SAMSN1: variants seen among roughly 807,000 people sequenced by gnomAD.
SAMSN1 encodes the protein SAM domain, SH3 domain and nuclear localization signals 1.
In SAMSN1, 31 loss-of-function variants were observed where a neutral mutation model predicts 42.0. The ratio of observed to expected loss-of-function variants is 0.74; its 90% CI spans 0.55 to 1.00. The LOEUF (loss-of-function observed/expected upper bound fraction) is 1.00. Ranked by LOEUF, SAMSN1 falls within the 50% of genes least tolerant of loss-of-function variation. SAMSN1 has a pLI of 0.00. For synonymous variants in SAMSN1, 178 were observed against 151.9 expected (o/e 1.17, Z -1.26); for missense variants, 464 against 439.4 (o/e 1.06, Z -0.50).
chr21:14,596,252 C>T (rs191320368), intron 6 of SAMSN1, among the ~76,000 whole-genome samples: 5 of 152,166 alleles, frequency 3.3e-5, no homozygotes, highest in African/African-American at 1.2e-4. Context: ...CAACAAAAGC[C>T]ACTCTTGAAA....
At chr21:14,600,113 A>C (rs745413224) in intron 6 of SAMSN1, among the ~76,000 whole-genome samples, 33 of 152,214 alleles carry the variant, frequency 2.2e-4, no homozygotes, top group South Asian at 2.1e-3. Flanking sequence ...TTGGAAAAAC[A>C]CTTATCTGAT....
chr21:14,558,527 A>C (rs1980837015), intron 2 of SAMSN1, among the ~76,000 whole-genome samples: 1 of 151,860 alleles, frequency 6.6e-6, no homozygotes, highest in Non-Finnish European at 1.5e-5. Flanking sequence ...AAAAATACAA[A>C]AAAATTAGCC....
rs1219222290 is a variant in SAMSN1 at position 14,634,994 on chromosome 21, T to C, written c.156+8008A>G. Among the ~76,000 whole-genome samples, 4 of 152,194 alleles carry C rather than the reference T, an allele frequency of 2.6e-5. No homozygotes were observed. In the East Asian group the frequency reaches 7.7e-4, roughly 29 times the overall value. On this transcript the variant is annotated intron_variant, in intron 2 of 15. Coordinates refer to the SAMSN1 transcript ENST00000647101. ...GGTACATATACACCATGAAATACTA[T>C]GTGGCCATAAAGAGGAATGAGATCA...
Position 14,643,117 on chromosome 21 carries a change from C to G in SAMSN1, c.41G>C (p.Ser14Thr), listed in dbSNP as rs938012024. Residue 14 changes from serine to threonine, a missense_variant, in exon 2 of 16, where the codon AGC (serine) becomes ACC (threonine). Ser to Thr is a moderately conservative substitution (Grantham distance 58). Transcript: ENST00000647101. Reference sequence around the variant, plus strand: ...TTGCTCTGGGATTGGCTCATATAAGCTATCCATAGAGCCCTCCTGCAATAC... The same window carrying G: ...TTGCTCTGGGATTGGCTCATATAAGGTATCCATAGAGCCCTCCTGCAATAC... 6 of 717,144 alleles carry G rather than the reference C, an allele frequency of 8.4e-6. No individual in the cohort carries two copies. The African/African-American group carries it at 8.7e-5, about 10-fold the overall frequency. The allele number at this position is 717,144 out of a possible 1,614,324, so 44.4% of individuals were successfully genotyped here. A position where few individuals can be genotyped will look rare whatever the true frequency, so the allele number is the denominator to read the frequency against.
chr21:14,586,270 AAAAAAAAAG>A (rs1315500983), upstream of SAMSN1, among the ~76,000 whole-genome samples: 5 of 149,800 alleles, frequency 3.3e-5, no homozygotes, highest in African/African-American at 4.9e-5. Context: ...CTCAAAAAAA[AAAAAAAAAG>A]AAAAAGAAAA....
intron 2 of SAMSN1, among the ~76,000 whole-genome samples, chr21:14,630,386 T>C (rs75468416): frequency 1.6e-4 from 21 of 132,104 alleles, no homozygotes; most frequent in African/African-American, 6.2e-4. Context: ...GCTTTACAGC[T>C]TTTTTTTTTT....
intron 2 of SAMSN1, among the ~76,000 whole-genome samples, chr21:14,572,717 AC>A (rs1015956202): frequency 1.6e-4 from 24 of 152,080 alleles, no homozygotes; most frequent in African/African-American, 5.3e-4. Context: ...AAGCTGTTAA[AC>A]CCTTACTTTT....
chr21:14,510,856 T>C (rs1987660663), intron 4 of SAMSN1, among the ~76,000 whole-genome samples: 1 of 152,238 alleles, frequency 6.6e-6, no homozygotes. Flanking sequence ...ATTTCTGTCA[T>C]AACAGGTGGC....
intron 2 of SAMSN1, among the ~76,000 whole-genome samples, chr21:14,616,596 T>C (rs969658790): frequency 2.6e-5 from 4 of 152,226 alleles, no homozygotes; most frequent in Non-Finnish European, 4.4e-5. Context: ...GTCACATTTT[T>C]CACCATCCTT....
At chr21:14,625,391 C>T (rs1234362611) in intron 2 of SAMSN1, among the ~76,000 whole-genome samples, 2 of 152,186 alleles carry the variant, frequency 1.3e-5, no homozygotes, top group African/African-American at 2.4e-5. Context: ...ATAGTCTCAG[C>T]CCTAAATCTC....
chr21:14,609,441 T>G (rs2123319365), intron 5 of SAMSN1: 1 of 717,292 alleles, frequency 1.4e-6, no homozygotes, highest in Non-Finnish European at 2.6e-6. Flanking sequence ...TAAACTACTT[T>G]GGGAAAATGC....
chr21:14,646,329 G>T (rs369056016), intron 1 of SAMSN1, among the ~76,000 whole-genome samples: 1 of 152,188 alleles, frequency 6.6e-6, no homozygotes, highest in South Asian at 2.1e-4. Context: ...AGACTTTTCA[G>T]TGGAAACCTT....
intron 7 of SAMSN1, among the ~76,000 whole-genome samples, chr21:14,493,412 C>T (rs897180836): frequency 2.0e-5 from 3 of 152,084 alleles, no homozygotes; most frequent in Admixed American, 6.5e-5. Flanking sequence ...TTCTCATAGA[C>T]ACAATTTTAA....
chr21:14,601,353 C>T (rs186960378), intron 6 of SAMSN1, among the ~76,000 whole-genome samples: 121 of 152,190 alleles, frequency 8.0e-4, no homozygotes, highest in Non-Finnish European at 1.2e-3. Context: ...GAATGTGAGC[C>T]CCCCCTTCCT....
chr21:14,541,694 T>C (rs991335856), intron 1 of SAMSN1, among the ~76,000 whole-genome samples: 7 of 152,216 alleles, frequency 4.6e-5, no homozygotes, highest in African/African-American at 1.7e-4. Context: ...ATTGAGAGTC[T>C]ACTACGTTGA....
intron 4 of SAMSN1, 110 bp from the exon 5 acceptor site, chr21:14,510,571 TGAGG>T (rs1457746484): frequency 2.4e-6 from 3 of 1,263,846 alleles, no homozygotes; most frequent in Non-Finnish European, 2.2e-6. Flanking sequence ...GCCAGGCTCC[TGAGG>T]AAGTTCTAAT....
chr21:14,500,294 A>T (rs1290333645), intron 6 of SAMSN1, among the ~76,000 whole-genome samples: 1 of 152,084 alleles, frequency 6.6e-6, no homozygotes, highest in Non-Finnish European at 1.5e-5. Context: ...TCTCAACATC[A>T]ATCTCTATTG....
intron 3 of SAMSN1, among the ~76,000 whole-genome samples, chr21:14,516,475 C>T (rs935894853): frequency 1.3e-5 from 2 of 152,084 alleles, no homozygotes; most frequent in Non-Finnish European, 2.9e-5. Context: ...CACTGGAACC[C>T]CCGCCTCCCG....
intron 7 of SAMSN1, among the ~76,000 whole-genome samples, chr21:14,589,334 C>T (rs1003827217): frequency 6.6e-6 from 1 of 151,768 alleles, no homozygotes; most frequent in Non-Finnish European, 1.5e-5. Context: ...ATCAAGTATT[C>T]TGACTTTTAA....
Sources: gnomAD v4.1 joint callset for allele counts (sites outside exome capture counted in the v4.1 genomes callset) on GRCh38, gnomAD v4.1.1 for gene constraint, MANE v1.5 for transcripts, NCBI Gene and HGNC (gene_info 2026-07-23, HGNC 2026-07-21) for gene names.